AGBL1: variants seen among roughly 807,000 people sequenced by gnomAD.
AGBL1 encodes cytosolic carboxypeptidase 4.
A neutral mutation model predicts 118.9 loss-of-function variants in AGBL1; 130 were observed. The observed-to-expected ratio is 1.09, with a 90% CI of 0.95 to 1.26. The LOEUF is 1.26. Among genes scored for constraint, AGBL1 ranks in the 50% most tolerant of loss-of-function variants. AGBL1 has a pLI of 0.00. For missense variants in AGBL1, 1,584 were observed against 1,298.1 expected, an observed-to-expected ratio of 1.22 and a Z score of -3.38; for synonymous variants, 555 against 478.9, an observed-to-expected ratio of 1.16 and a Z score of -2.08.
At chr15:86,135,154 A>C (rs2076872587) in intron 1 of AGBL1, among the ~76,000 whole-genome samples, 1 of 151,616 alleles carries the variant, frequency 6.6e-6, no homozygotes, top group African/African-American at 2.4e-5. Context: ...GTGAGTTCTC[A>C]CTCCTGTTTC....
intron 22 of AGBL1, among the ~76,000 whole-genome samples, chr15:86,825,121 G>A (rs565739021): frequency 2.4e-4 from 36 of 151,566 alleles, no homozygotes; most frequent in Non-Finnish European, 4.1e-4. Flanking sequence ...CTCAACCTAC[G>A]CAAATATATT....
intron 18 of AGBL1, among the ~76,000 whole-genome samples, chr15:86,446,543 C>A (rs192800180): frequency 7.9e-5 from 12 of 152,320 alleles, no homozygotes; most frequent in Admixed American, 6.5e-4. Flanking sequence ...ATGCAAATGC[C>A]TGCAAAGTTT....
intron 22 of AGBL1, among the ~76,000 whole-genome samples, chr15:86,854,516 C>T (rs1201787592): frequency 1.3e-5 from 2 of 152,148 alleles, no homozygotes; most frequent in African/African-American, 4.8e-5. Flanking sequence ...TTATGATGTT[C>T]ATCTATGTCC....
chr15:86,916,067 C>T lies in AGBL1; in HGVS notation c.*8773C>T, dbSNP rs1038051779. The T allele has an allele frequency of 6.6e-6, 1 of 152,150 alleles. No homozygotes were observed. Among genetic ancestry groups the T allele is most frequent in the Non-Finnish European group, 1.5e-5 (1 of 68,048 alleles). 9.4% of individuals were successfully genotyped at this position (152,150 alleles called of 1,614,324 possible). On this transcript the variant is annotated 3_prime_UTR_variant, in exon 23 of 23. Coordinates refer to ENST00000614907, the MANE Select transcript of AGBL1 (RefSeq NM_001386094.1). Reference sequence around the variant, plus strand: ...CTGTCCTGTCTACATTAGCATTCACCCCGGGTGTCTATAATTAAGCAAGCC... The same window carrying T: ...CTGTCCTGTCTACATTAGCATTCACTCCGGGTGTCTATAATTAAGCAAGCC...
At chr15:86,220,966 G>C (rs985255561) in intron 5 of AGBL1, among the ~76,000 whole-genome samples, 2 of 152,132 alleles carry the variant, frequency 1.3e-5, no homozygotes, top group African/African-American at 2.4e-5. Flanking sequence ...TTGGGAGGCT[G>C]AGACAGGCAG....
intron 21 of AGBL1, among the ~76,000 whole-genome samples, chr15:86,624,368 C>T (rs1472445901): frequency 1.3e-5 from 2 of 152,224 alleles, no homozygotes; most frequent in Admixed American, 6.5e-5. Context: ...GGGCATGGAA[C>T]ACATTCAACA....
At chr15:86,305,204 G>T (rs1196522977) in intron 17 of AGBL1, 1 of 152,144 alleles carries the variant, frequency 6.6e-6, no homozygotes, top group Non-Finnish European at 1.5e-5. Context: ...TGCTAGCCAG[G>T]CATGACCATG....
chr15:86,732,940 T>A (rs184805037), intron 22 of AGBL1, among the ~76,000 whole-genome samples: 3 of 149,546 alleles, frequency 2.0e-5, no homozygotes, highest in Admixed American at 6.7e-5. Flanking sequence ...GATATATATA[T>A]AGAGAGAAAT....
intron 16 of AGBL1, among the ~76,000 whole-genome samples, chr15:86,294,912 C>G (rs964169588): frequency 6.6e-6 from 1 of 152,172 alleles, no homozygotes; most frequent in Non-Finnish European, 1.5e-5. Flanking sequence ...CACCCCATCC[C>G]CTGACCCTTC....
At chr15:86,723,575 C>T (rs2086769315) in intron 22 of AGBL1, among the ~76,000 whole-genome samples, 2 of 152,012 alleles carry the variant, frequency 1.3e-5, no homozygotes, top group Non-Finnish European at 2.9e-5. Flanking sequence ...TTAATGGGTG[C>T]AGCACACCAA....
At chr15:86,203,432 C>T (rs1232195900) in intron 5 of AGBL1, among the ~76,000 whole-genome samples, 1 of 152,284 alleles carries the variant, frequency 6.6e-6, no homozygotes, top group East Asian at 1.9e-4. Flanking sequence ...CTGAAACTGG[C>T]AACCTAAATA....
intron 17 of AGBL1, among the ~76,000 whole-genome samples, chr15:86,395,366 ATAC>A (rs373060704): frequency 9.2e-5 from 14 of 152,016 alleles, no homozygotes; most frequent in African/African-American, 3.4e-4. Flanking sequence ...CTGGTAAATA[ATAC>A]TTATTTTGCA....
At chr15:86,458,828 G>A (rs1223367756) in intron 18 of AGBL1, among the ~76,000 whole-genome samples, 1 of 152,144 alleles carries the variant, frequency 6.6e-6, no homozygotes, top group African/African-American at 2.4e-5. Flanking sequence ...TAAGTGCTAT[G>A]AAGAAAATTG....
chr15:86,750,040 G>A (rs531791020), intron 22 of AGBL1, among the ~76,000 whole-genome samples: 18 of 152,062 alleles, frequency 1.2e-4, no homozygotes, highest in Non-Finnish European at 1.8e-4. Flanking sequence ...GAGTTAGGGA[G>A]GATTCCCTCT....
At chr15:87,027,681 G>A (rs998585063) in intron 24 of AGBL1, among the ~76,000 whole-genome samples, 7 of 151,820 alleles carry the variant, frequency 4.6e-5, no homozygotes, top group East Asian at 1.9e-4. Context: ...GTACATATAC[G>A]CCATGGAATA....
At chr15:86,254,075 T>C (rs1325017189) in intron 7 of AGBL1, among the ~76,000 whole-genome samples, 1 of 152,226 alleles carries the variant, frequency 6.6e-6, no homozygotes, top group Non-Finnish European at 1.5e-5. Flanking sequence ...CAGGACTTTA[T>C]ACTCTTAGTC....
intron 17 of AGBL1, among the ~76,000 whole-genome samples, chr15:86,372,749 G>C (rs1372822743): frequency 6.6e-6 from 1 of 151,888 alleles, no homozygotes; most frequent in Non-Finnish European, 1.5e-5. Flanking sequence ...CGCCAGCCTG[G>C]CTGGCTAGAT....
chr15:86,854,898 G>T lies in AGBL1; in HGVS notation c.3159-52189G>T, dbSNP rs559207610. The stretch of plus-strand genomic sequence containing the variant: ...TAGTTGCAATTCGTTCCCCTCAACT[G>T]CCCTCGATCTCCATCACTGCTTTTT... On this transcript the variant is annotated intron_variant, in intron 22 of 22. Transcript: ENST00000614907. Among the ~76,000 whole-genome samples the T allele has an allele frequency of 7.2e-5, 11 of 152,212 alleles. No individual in the cohort carries two copies. In the South Asian group the frequency reaches 2.1e-3, roughly 29 times the overall value.
At chr15:86,863,005 CT>C (rs1204812083) in intron 22 of AGBL1, among the ~76,000 whole-genome samples, 1 of 152,168 alleles carries the variant, frequency 6.6e-6, no homozygotes, top group Non-Finnish European at 1.5e-5. Flanking sequence ...TGCCAATAGG[CT>C]TGCTGAGGGT....
Sources: allele counts gnomAD v4.1 joint callset (sites outside exome capture counted in the v4.1 genomes callset), GRCh38; gene constraint gnomAD v4.1.1; transcripts MANE v1.5; gene names NCBI Gene and HGNC (gene_info 2026-07-23, HGNC 2026-07-21).